SLA2: variants seen among roughly 807,000 people sequenced by gnomAD.
The protein encoded by SLA2 is src-like-adapter 2.
SLA2 carries 22 observed loss-of-function variants against 27.3 expected under a neutral mutation model. The observed-to-expected ratio is 0.81, with a 90% CI of 0.58 to 1.15. SLA2 has a LOEUF of 1.15. SLA2 is among the 50% of genes most tolerant of loss of function. The probability of loss-of-function intolerance (pLI) is 0.00; values close to 1 mark genes in which losing one functional copy is unlikely to be tolerated. For missense variants in SLA2, 304 were observed against 322.2 expected (o/e 0.94, Z 0.43); for synonymous variants, 131 against 137.8 (o/e 0.95, Z 0.34).
intron 3 of SLA2, 150 bp from the exon 4 acceptor site, chr20:36,633,779 G>A: frequency 1.6e-6 from 1 of 625,456 alleles, no homozygotes; most frequent in South Asian, 1.9e-5. Flanking sequence ...AGCCTGTCCA[G>A]GTACCTCCTG....
Position 36,614,409 on chromosome 20 carries a change from G to C in SLA2, c.561C>G (p.Leu187=), listed in dbSNP as rs771308916. 5.0e-6 allele frequency: 8 copies of C among 1,612,544 alleles called. No homozygotes were observed. In the African/African-American group the frequency reaches 1.1e-4, roughly 22 times the overall value. Reference sequence around the variant, plus strand: ...CCCTCTGCAGGACACAGGGCTCCTTGAGTAGGCAGCAGATGTCATCCGCCA... The same window carrying C: ...CCCTCTGCAGGACACAGGGCTCCTTCAGTAGGCAGCAGATGTCATCCGCCA... ...SELADDICCL[L]KEPCVLQRAG... The change falls in exon 7 of 8, where the codon CTC becomes CTG. Residue 187 remains leucine (L), a synonymous_variant. Coordinates refer to ENST00000262866, the MANE Select transcript of SLA2 (RefSeq NM_032214.4).
At chr20:36,639,467 G>A (rs1420056790) in intron 2 of SLA2, among the ~76,000 whole-genome samples, 1 of 151,680 alleles carries the variant, frequency 6.6e-6, no homozygotes, top group Non-Finnish European at 1.5e-5. Context: ...ATATATTATC[G>A]AAATCCCTAT....
chr20:36,641,210 G>T, intron 2 of SLA2, 35 bp downstream of exon 2: 16 of 1,565,966 alleles, frequency 1.0e-5, no homozygotes, highest in Non-Finnish European at 1.4e-5. Context: ...GTACTGTGTG[G>T]GAAGAGCCTG....
chr20:36,631,985 A>T (rs2039397202), intron 5 of SLA2, among the ~76,000 whole-genome samples: 1 of 152,142 alleles, frequency 6.6e-6, no homozygotes, highest in Non-Finnish European at 1.5e-5. Flanking sequence ...TCAGAGAAGG[A>T]TACGATTTTC....
chr20:36,639,948 T>C (rs1036144624), intron 2 of SLA2, among the ~76,000 whole-genome samples: 4 of 152,196 alleles, frequency 2.6e-5, no homozygotes, highest in Admixed American at 6.5e-5. Context: ...GTCAAGACTA[T>C]ATTAGAAAAT....
At chr20:36,620,084 C>A (rs1334744191) in intron 5 of SLA2, among the ~76,000 whole-genome samples, 2 of 151,086 alleles carry the variant, frequency 1.3e-5, no homozygotes, top group African/African-American at 4.9e-5. Flanking sequence ...GAGCGAGATT[C>A]CACCTCAAGA....
At chr20:36,635,193 G>A (rs937472454) in intron 2 of SLA2, among the ~76,000 whole-genome samples, 3 of 150,958 alleles carry the variant, frequency 2.0e-5, no homozygotes, top group Admixed American at 6.6e-5. Flanking sequence ...CCCTATGACC[G>A]CCGAGCCTTG....
chr20:36,615,878 A>G (rs753600846), intron 5 of SLA2, among the ~76,000 whole-genome samples: 1 of 152,216 alleles, frequency 6.6e-6, no homozygotes, highest in Non-Finnish European at 1.5e-5. Flanking sequence ...GCACAGCGGC[A>G]TTGTTTGTAA....
rs546136224 is a variant in SLA2 at position 36,638,307 on chromosome 20, G to A, written c.91+2938C>T. Among the ~76,000 whole-genome samples, 23 of 151,942 alleles carry A rather than the reference G, an allele frequency of 1.5e-4. No homozygotes were observed. The East Asian group carries it at 4.3e-3, about 28-fold the overall frequency. On this transcript the variant is annotated intron_variant, in intron 2 of 7. Transcript: ENST00000262866. ...GAAAAACTTGAGATGGGGAATTTAGGCAATTTATTGTTTTTGTTTTGTTTT... is the reference window on the plus strand; with the variant it reads ...GAAAAACTTGAGATGGGGAATTTAGACAATTTATTGTTTTTGTTTTGTTTT...
At chr20:36,615,155 A>C in intron 6 of SLA2, 70 bp downstream of exon 6, 1 of 1,606,650 alleles carries the variant, frequency 6.2e-7, no homozygotes, top group South Asian at 1.1e-5. Flanking sequence ...TAAAATATCC[A>C]AGGGCACCAC....
intron 2 of SLA2, among the ~76,000 whole-genome samples, chr20:36,637,242 G>A (rs1183882598): frequency 5.7e-5 from 7 of 123,784 alleles, no homozygotes; most frequent in Admixed American, 3.1e-4. Context: ...TCGCTCTGTC[G>A]CCCAGGCTGG....
In SLA2 at chr20:36,615,345, G is replaced by T; in HGVS notation, c.412C>A (p.Arg138Ser). The T allele has an allele frequency of 6.2e-7, 1 of 1,614,086 alleles. No homozygotes were observed. Among genetic ancestry groups the T allele is most frequent in the Non-Finnish European group, 8.5e-7 (1 of 1,180,026 alleles). Residue 138 changes from arginine to serine, a missense_variant, in exon 6 of 8, where the codon CGC becomes AGC. Coordinates refer to ENST00000262866, the MANE Select transcript of SLA2 (RefSeq NM_032214.4). ...GSYSLSVRLS[R>S]PASWDRIRHY... is the part of the protein sequence containing the mutation. ...CTGATCCGGTCCCAGGATGCAGGGC[G>T]GCTGAGGCGGACTGACAGAGAGTAA...
At chr20:36,627,695 C>T (rs1053008611) in intron 5 of SLA2, among the ~76,000 whole-genome samples, 4 of 152,224 alleles carry the variant, frequency 2.6e-5, no homozygotes, top group Admixed American at 6.5e-5. Context: ...CTGTGACCTC[C>T]ACAAAGCTTC....
chr20:36,623,420 T>C (rs561249096), intron 5 of SLA2, among the ~76,000 whole-genome samples: 1 of 151,426 alleles, frequency 6.6e-6, no homozygotes. Context: ...ACAAGAAAAA[T>C]AAATTTAAAG....
chr20:36,612,436 G>A lies in SLA2; in HGVS notation c.*1430C>T, dbSNP rs990026520. 3 of 599,030 alleles carry A rather than the reference G, an allele frequency of 5.0e-6. No individual in the cohort carries two copies. In the African/African-American group the frequency reaches 5.6e-5, roughly 11 times the overall value. 37.1% of individuals were successfully genotyped at this position (599,030 alleles called of 1,614,324 possible). The stretch of plus-strand genomic sequence containing the variant: ...TTTTAAACTATCAATGGCATTTCAA[G>A]TCTTCTGAAACAGCATGGCTGTATG... On this transcript the variant is annotated 3_prime_UTR_variant, in exon 8 of 8. Transcript: ENST00000262866.
At chr20:36,636,263 A>C (rs1489825044) in intron 2 of SLA2, among the ~76,000 whole-genome samples, 1 of 148,304 alleles carries the variant, frequency 6.7e-6, no homozygotes, top group African/African-American at 2.6e-5. Context: ...TAAAAATACA[A>C]AAAAAAAATT....
intron 6 of SLA2, chr20:36,614,753 C>T (rs1213642908): frequency 1.0e-6 from 1 of 985,408 alleles, no homozygotes; most frequent in African/African-American, 1.7e-5. Flanking sequence ...CTGTCTACTT[C>T]CACACAGAGT....
chr20:36,626,360 C>G (rs1437755243), intron 5 of SLA2, among the ~76,000 whole-genome samples: 2 of 151,250 alleles, frequency 1.3e-5, no homozygotes, highest in African/African-American at 4.9e-5. Context: ...CCACTGCACT[C>G]CAGCCCAATG....
chr20:36,613,498 T>G lies in SLA2; in HGVS notation c.*368A>C. ...TTTCTACCTTGTGGGTGGGGCCTGG[T>G]TAATGGTGGGGATGTAGAATGGGGC... On this transcript the variant is annotated 3_prime_UTR_variant, in exon 8 of 8. Coordinates refer to ENST00000262866, the MANE Select transcript of SLA2 (RefSeq NM_032214.4). The G allele has an allele frequency of 5.7e-6, 1 of 176,298 alleles. No individual in the cohort carries two copies. Among genetic ancestry groups the G allele is most frequent in the Non-Finnish European group, 1.2e-5 (1 of 83,990 alleles). 10.9% of individuals were successfully genotyped at this position (176,298 alleles called of 1,614,324 possible).
Sources: allele counts gnomAD v4.1 joint callset (sites outside exome capture counted in the v4.1 genomes callset), GRCh38; gene constraint gnomAD v4.1.1; transcripts MANE v1.5; gene names NCBI Gene and HGNC (gene_info 2026-07-23, HGNC 2026-07-21).